SRL: variants seen among roughly 807,000 people sequenced by gnomAD.
SRL encodes the protein sarcalumenin.
Under a neutral mutation model 39.5 loss-of-function variants are expected in SRL, and 23 were observed. The ratio of observed to expected loss-of-function variants is 0.58; its 90% CI spans 0.42 to 0.82. The LOEUF is 0.82. SRL is among the 40% of genes least tolerant of loss of function. The probability of loss-of-function intolerance (pLI) is 0.00; values close to 1 mark genes in which losing one functional copy is unlikely to be tolerated. For missense variants in SRL, 592 were observed against 607.8 expected (o/e 0.97, Z 0.27); for synonymous variants, 272 against 237.4 (o/e 1.15, Z -1.34).
intron 1 of SRL, among the ~76,000 whole-genome samples, chr16:4,240,045 G>A (rs1025678927): frequency 3.9e-5 from 6 of 152,296 alleles, no homozygotes; most frequent in Admixed American, 3.9e-4. Flanking sequence ...CGAGAAGGAG[G>A]GCTGCAGAGC....
chr16:4,238,937 G>A (rs1006113978), intron 1 of SRL, among the ~76,000 whole-genome samples: 1 of 152,088 alleles, frequency 6.6e-6, no homozygotes, highest in African/African-American at 2.4e-5. Context: ...TTACCTTCTT[G>A]AGGGATGTGT....
chr16:4,215,950 C>T (rs1234554669), intron 1 of SRL, among the ~76,000 whole-genome samples: 2 of 152,122 alleles, frequency 1.3e-5, no homozygotes, highest in African/African-American at 2.4e-5. Flanking sequence ...GTTGACGGAC[C>T]TCTTGAGCCT....
chr16:4,201,852 C>A (rs2009917), intron 3 of SRL, among the ~76,000 whole-genome samples: 19,712 of 146,330 alleles, frequency 0.13, 3,043 homozygotes, highest in Admixed American at 0.19. Context: ...AACGGGGTTT[C>A]ACCATGTTGG....
intron 4 of SRL, 24 bp downstream of exon 4, chr16:4,197,775 C>G (rs1312472924): frequency 6.8e-7 from 1 of 1,480,710 alleles, no homozygotes; most frequent in Admixed American, 1.7e-5. Flanking sequence ...CAAATCCCAA[C>G]AATCACACAA....
At chr16:4,203,476 T>C (rs1437047172) in intron 2 of SRL, among the ~76,000 whole-genome samples, 1 of 152,226 alleles carries the variant, frequency 6.6e-6, no homozygotes, top group Non-Finnish European at 1.5e-5. Flanking sequence ...GGCATTCTCC[T>C]ACCCACCCCC....
At chr16:4,228,151 C>T (rs934387616) in intron 1 of SRL, among the ~76,000 whole-genome samples, 1 of 152,212 alleles carries the variant, frequency 6.6e-6, no homozygotes, top group African/African-American at 2.4e-5. Context: ...TCTGAAAAGG[C>T]CTGAAGGCCG....
At chr16:4,228,506 C>G (rs143381641) in intron 1 of SRL, among the ~76,000 whole-genome samples, 3 of 151,940 alleles carry the variant, frequency 2.0e-5, no homozygotes, top group South Asian at 2.1e-4. Flanking sequence ...GAGGCCGAGG[C>G]GGGCGGATCA....
At chr16:4,229,015 C>A (rs2141064878) in intron 1 of SRL, among the ~76,000 whole-genome samples, 1 of 152,182 alleles carries the variant, frequency 6.6e-6, no homozygotes, top group South Asian at 2.1e-4. Context: ...AAGAAGGTTC[C>A]ACACACACAC....
chr16:4,223,558 T>A (rs533585975), intron 1 of SRL, among the ~76,000 whole-genome samples: 1 of 151,948 alleles, frequency 6.6e-6, no homozygotes, highest in African/African-American at 2.4e-5. Flanking sequence ...TTAAATTTTT[T>A]TTTTTTTTGT....
chr16:4,193,041 C>T, intron 5 of SRL, 77 bp from the exon 6 acceptor site: 2 of 1,287,976 alleles, frequency 1.6e-6, no homozygotes, highest in Non-Finnish European at 2.1e-6. Context: ...AGAACTAAAC[C>T]ATTCTGGGGG....
At chr16:4,210,835 C>CT (rs1879662933) in intron 1 of SRL, among the ~76,000 whole-genome samples, 1 of 152,120 alleles carries the variant, frequency 6.6e-6, no homozygotes, top group Admixed American at 6.6e-5. Context: ...CATTGAGGCC[C>CT]TTGTTGAATG....
intron 1 of SRL, among the ~76,000 whole-genome samples, chr16:4,228,551 C>A (rs372313606): frequency 6.6e-5 from 10 of 151,642 alleles, no homozygotes; most frequent in Non-Finnish European, 1.3e-4. Context: ...CTGGCTAACA[C>A]GGTGAAACCC....
intron 1 of SRL, among the ~76,000 whole-genome samples, chr16:4,214,992 T>A (rs1444145033): frequency 6.6e-6 from 1 of 152,142 alleles, no homozygotes; most frequent in Non-Finnish European, 1.5e-5. Context: ...GGTCTCAAAC[T>A]CTTGACCTCA....
intron 1 of SRL, among the ~76,000 whole-genome samples, chr16:4,233,038 C>T (rs1597297119): frequency 1.3e-5 from 2 of 152,334 alleles, no homozygotes; most frequent in South Asian, 2.1e-4. Context: ...GAGTACAGTC[C>T]CTGCTCTAGA....
intron 1 of SRL, chr16:4,207,071 C>A: frequency 2.2e-6 from 1 of 453,104 alleles, no homozygotes; most frequent in South Asian, 1.6e-5. Flanking sequence ...CTTCCTGGGG[C>A]TCCCTGGCTT....
chr16:4,204,241 G>A (rs997316723), intron 2 of SRL, among the ~76,000 whole-genome samples: 3 of 152,172 alleles, frequency 2.0e-5, no homozygotes, highest in Non-Finnish European at 4.4e-5. Flanking sequence ...CACAGCATGG[G>A]GCTGCACTGG....
intron 1 of SRL, chr16:4,206,728 C>A (rs1359851219): frequency 2.2e-6 from 1 of 451,114 alleles, no homozygotes; most frequent in Admixed American, 2.4e-5. Flanking sequence ...AATTCCTACC[C>A]TGGGCAACAA....
chr16:4,222,480 G>T (rs1166378737), intron 1 of SRL, among the ~76,000 whole-genome samples: 1 of 152,152 alleles, frequency 6.6e-6, no homozygotes, highest in Non-Finnish European at 1.5e-5. Context: ...TTGCCATGTT[G>T]CCCAGGCTGG....
intron 1 of SRL, among the ~76,000 whole-genome samples, chr16:4,211,311 T>C (rs1004307043): frequency 1.3e-5 from 2 of 149,406 alleles, no homozygotes; most frequent in East Asian, 1.9e-4. Flanking sequence ...GGCTCCCACG[T>C]TGGGGGGGGT....
Sources: allele counts gnomAD v4.1 joint callset (sites outside exome capture counted in the v4.1 genomes callset), GRCh38; gene constraint gnomAD v4.1.1; transcripts MANE v1.5; gene names NCBI Gene and HGNC (gene_info 2026-07-23, HGNC 2026-07-21).